Variants in PCDHA4 observed in about 807,000 individuals in gnomAD.
PCDHA4 encodes the protein protocadherin alpha 4, also known as protocadherin alpha-4.
In PCDHA4, 49 loss-of-function variants were observed where a neutral mutation model predicts 61.4. The ratio of observed to expected loss-of-function variants is 0.80; its 90% CI spans 0.63 to 1.01. The LOEUF is 1.01. Ranked by LOEUF, PCDHA4 falls within the 50% of genes least tolerant of loss-of-function variation. The probability of loss-of-function intolerance (pLI) is 0.00; values close to 1 mark genes in which losing one functional copy is unlikely to be tolerated. For synonymous variants in PCDHA4, 590 were observed against 550.3 expected (o/e 1.07, Z -1.01); for missense variants, 1,254 against 1,235.8 (o/e 1.01, Z -0.22).
chr5:140,874,901 T>G (rs896201686), intron 1 of PCDHA4, among the ~76,000 whole-genome samples: 2 of 152,208 alleles, frequency 1.3e-5, no homozygotes, highest in Admixed American at 1.3e-4. Context: ...TCTAAAATCT[T>G]ACGATGGAGT....
chr5:140,923,297 G>C (rs1554201355), intron 1 of PCDHA4, among the ~76,000 whole-genome samples: 1 of 152,186 alleles, frequency 6.6e-6, no homozygotes, highest in African/African-American at 2.4e-5. Flanking sequence ...AATTAGCTGG[G>C]CGTGGGGGCG....
At chr5:140,858,645 T>C (rs2045537080) in intron 1 of PCDHA4, 1 of 818,880 alleles carries the variant, frequency 1.2e-6, no homozygotes, top group Non-Finnish European at 1.9e-6. Context: ...TGATTGGTAC[T>C]TAAATTTTTT....
intron 3 of PCDHA4, among the ~76,000 whole-genome samples, chr5:141,003,070 G>A (rs1588007737): frequency 6.6e-6 from 1 of 152,232 alleles, no homozygotes; most frequent in South Asian, 2.1e-4. Flanking sequence ...AAATGCAGAT[G>A]AGGGTGAGTT....
intron 1 of PCDHA4, among the ~76,000 whole-genome samples, chr5:140,976,335 G>T (rs1554237529): frequency 6.6e-6 from 1 of 152,140 alleles, no homozygotes; most frequent in East Asian, 1.9e-4. Flanking sequence ...TGGATTGCCT[G>T]AGGTCAGGTG....
At chr5:140,883,511 C>A in intron 1 of PCDHA4, 2 of 1,614,186 alleles carry the variant, frequency 1.2e-6, no homozygotes, top group Middle Eastern at 1.7e-4. Context: ...CGCCCTGGAC[C>A]GCGAGAGCGT....
intron 1 of PCDHA4, chr5:140,824,471 T>C (rs1044239282): frequency 9.9e-6 from 4 of 402,254 alleles, no homozygotes; most frequent in African/African-American, 2.1e-5. Context: ...TTTATTTTAT[T>C]GTTATTTTTT....
chr5:140,970,687 CT>C (rs1464659851), intron 1 of PCDHA4, among the ~76,000 whole-genome samples: 1 of 152,078 alleles, frequency 6.6e-6, no homozygotes, highest in Non-Finnish European at 1.5e-5. Flanking sequence ...GTAGAAAGGG[CT>C]TTTAGAGCTA....
chr5:140,980,873 T>C (rs1586863406), intron 2 of PCDHA4, among the ~76,000 whole-genome samples: 1 of 152,338 alleles, frequency 6.6e-6, no homozygotes, highest in East Asian at 1.9e-4. Context: ...TGCTTGGGTG[T>C]TCTCGGTCTT....
At chr5:140,871,062 C>CT in intron 1 of PCDHA4, 1 of 1,613,220 alleles carries the variant, frequency 6.2e-7, no homozygotes, top group South Asian at 1.1e-5. Context: ...TGAAGGATCA[C>CT]GGTGAGCCGG....
Position 140,849,905 on chromosome 5 carries a change from G to A in PCDHA4, c.2385+40333G>A, listed in dbSNP as rs2150456926. On this transcript the variant is annotated intron_variant, in intron 1 of 3. Coordinates refer to ENST00000530339, the MANE Select transcript of PCDHA4 (RefSeq NM_018907.4). The stretch of plus-strand genomic sequence containing the variant: ...TGTTCGTGAAGGAGAACAACCCGCC[G>A]GGCTGCCACATCTTCACGGTGTCTG... The A allele has an allele frequency of 3.4e-5, 55 of 1,598,312 alleles. 1 individual carries two copies. The highest frequency in any genetic ancestry group is 3.5e-4 in the Middle Eastern group (2 of 5,794).
chr5:140,954,487 A>T (rs1585567544), intron 1 of PCDHA4, among the ~76,000 whole-genome samples: 1 of 152,120 alleles, frequency 6.6e-6, no homozygotes, highest in African/African-American at 2.4e-5. Flanking sequence ...AAGATATTTC[A>T]TTGTGGTTTT....
intron 1 of PCDHA4, chr5:140,882,409 C>A: frequency 6.2e-7 from 1 of 1,614,158 alleles, no homozygotes; most frequent in Non-Finnish European, 8.5e-7. Flanking sequence ...TCGTGGGCCG[C>A]ATCGCTCAGG....
intron 1 of PCDHA4, chr5:140,877,206 C>G (rs782807049): frequency 6.2e-7 from 1 of 1,613,768 alleles, no homozygotes; most frequent in South Asian, 1.1e-5. Context: ...GCGCAGTTAG[C>G]GAGTTGGTAC....
chr5:140,823,646 G>A lies in PCDHA4; in HGVS notation c.2385+14074G>A, dbSNP rs149534551. 1.2e-4 allele frequency: 201 copies of A among 1,613,806 alleles called. No individual in the cohort carries two copies. In the African/African-American group the frequency reaches 2.2e-3, roughly 18 times the overall value. On this transcript the variant is annotated intron_variant, in intron 1 of 3. Coordinates refer to ENST00000530339, the MANE Select transcript of PCDHA4 (RefSeq NM_018907.4). ...AGTGCGCGCATCCCGTTCCGCGTGG[G>A]GCTGTACACAGGCGAGATCAGCACA...
chr5:140,818,309 C>T (rs2150100761), intron 1 of PCDHA4, among the ~76,000 whole-genome samples: 2 of 152,194 alleles, frequency 1.3e-5, no homozygotes, highest in South Asian at 4.1e-4. Flanking sequence ...CCATCTTTTA[C>T]TTTAGGAATT....
intron 1 of PCDHA4, chr5:140,870,801 G>A: frequency 6.2e-7 from 1 of 1,613,670 alleles, no homozygotes; most frequent in Non-Finnish European, 8.5e-7. Context: ...CACTGCTGGC[G>A]ACTCAGGCTG....
chr5:140,830,417 C>G, intron 1 of PCDHA4: 2 of 1,614,096 alleles, frequency 1.2e-6, no homozygotes, highest in Non-Finnish European at 1.7e-6. Context: ...TAGCCCCAGC[C>G]TTTCACCTTG....
Position 140,872,869 on chromosome 5 carries a change from T to G in PCDHA4, c.2385+63297T>G, listed in dbSNP as rs192241401. On this transcript the variant is annotated intron_variant, in intron 1 of 3. Coordinates refer to ENST00000530339, the MANE Select transcript of PCDHA4 (RefSeq NM_018907.4). ...ATTAATGTGAGTACCTACTGACAAT[T>G]ATCAGTTTCATTCATCTCACTTTGT... is the stretch of plus-strand genomic sequence containing the variant. 4.6e-5 allele frequency among the ~76,000 whole-genome samples: 7 copies of G among 152,364 alleles called. No individual in the cohort carries two copies. In the East Asian group the frequency reaches 1.3e-3, roughly 29 times the overall value.
At chr5:140,875,336 G>C in intron 1 of PCDHA4, 1 of 1,438,564 alleles carries the variant, frequency 7.0e-7, no homozygotes, top group Non-Finnish European at 9.1e-7. Flanking sequence ...GAATAGGATC[G>C]ACTCCATAAT....
Sources: gnomAD v4.1 joint callset for allele counts (sites outside exome capture counted in the v4.1 genomes callset) on GRCh38, gnomAD v4.1.1 for gene constraint, MANE v1.5 for transcripts, NCBI Gene and HGNC (gene_info 2026-07-23, HGNC 2026-07-21) for gene names.